The following CSNK1A1 variants were observed in gnomAD, a reference collection of about 807,000 sequenced individuals.
CSNK1A1 encodes casein kinase I isoform alpha.
In CSNK1A1, 7 loss-of-function variants were observed where a neutral mutation model predicts 46.1. The ratio of observed to expected loss-of-function variants is 0.15; its 90% CI spans 0.09 to 0.29. The LOEUF (loss-of-function observed/expected upper bound fraction) is 0.29, where lower values mean the gene tolerates loss of function less well. Ranked by LOEUF, CSNK1A1 falls within the 10% of genes least tolerant of loss-of-function variation. The pLI is 1.00. For missense variants in CSNK1A1, 96 were observed against 417.1 expected (o/e 0.23, Z 6.71); for synonymous variants, 137 against 141.5 (o/e 0.97, Z 0.23).
chr5:149,517,603 A>G lies in CSNK1A1; in HGVS notation c.456+2687T>C, dbSNP rs1300251941. On this transcript the variant is annotated intron_variant, in intron 4 of 9. Coordinates refer to ENST00000377843, the MANE Select transcript of CSNK1A1 (RefSeq NM_001892.6). This position sits in a 1 kb window ranked among gnomAD's most constrained non-coding sequence, Gnocchi z 4.4. The stretch of plus-strand genomic sequence containing the variant: ...TTCTAAACTTTATAAGTTTTAAGCA[A>G]AAGCCACAAAGAAATATCTTAGTAA... Among the ~76,000 whole-genome samples the G allele has an allele frequency of 2.0e-5, 3 of 152,238 alleles. No individual in the cohort carries two copies. Among genetic ancestry groups the G allele is most frequent in the East Asian group, 3.8e-4 (2 of 5,208 alleles).
At chr5:149,499,167 T>C in intron 9 of CSNK1A1, 10 of 985,396 alleles carry the variant, frequency 1.0e-5, no homozygotes, top group Non-Finnish European at 1.2e-5. Context: ...TAAGCATTCT[T>C]TTCCCCAATA....
chr5:149,502,137 T>C (rs1356129028), intron 9 of CSNK1A1: 1 of 971,916 alleles, frequency 1.0e-6, no homozygotes, highest in African/African-American at 1.8e-5. Context: ...TCTTATTAAG[T>C]TATTAAAACA....
At chr5:149,538,019 T>TTG (rs1222431398) in intron 2 of CSNK1A1, among the ~76,000 whole-genome samples, 8 of 136,918 alleles carry the variant, frequency 5.8e-5, no homozygotes, top group Admixed American at 4.3e-4. Context: ...GCCCAGTTTT[T>TTG]TTTTTTTTTT....
chr5:149,541,124 G>A (rs1425910909), intron 2 of CSNK1A1, among the ~76,000 whole-genome samples: 4 of 150,046 alleles, frequency 2.7e-5, no homozygotes, highest in African/African-American at 9.9e-5. Context: ...ACATGCATTA[G>A]TTTATGCTAT....
intron 9 of CSNK1A1, chr5:149,502,640 G>A: frequency 1.0e-6 from 1 of 970,746 alleles, no homozygotes. Context: ...TCCCAAATGT[G>A]TTGGAATAAC....
At chr5:149,507,574 A>G (rs911163133) in intron 7 of CSNK1A1, among the ~76,000 whole-genome samples, 1 of 151,596 alleles carries the variant, frequency 6.6e-6, no homozygotes, top group Non-Finnish European at 1.5e-5. Flanking sequence ...CGATCCTCCA[A>G]CCTCAGCTTC....
Position 149,501,525 on chromosome 5 carries a change from G to A in CSNK1A1, c.1006+3922C>T, listed in dbSNP as rs181896153. Reference sequence around the variant, plus strand: ...TAATTCAAGGAAGACTGTGGACATGGTAGGTCAATATGATAGAAAAATAAT... The same window carrying A: ...TAATTCAAGGAAGACTGTGGACATGATAGGTCAATATGATAGAAAAATAAT... On this transcript the variant is annotated intron_variant, in intron 9 of 9. Transcript: ENST00000377843. The A allele has an allele frequency of 4.1e-6, 4 of 985,334 alleles. No homozygotes were observed. The Admixed American group carries it at 2.5e-4, about 61-fold the overall frequency. 61.0% of individuals were successfully genotyped at this position (985,334 alleles called of 1,614,324 possible). A position where few individuals can be genotyped will look rare whatever the true frequency, so the allele number is the denominator to read the frequency against.
chr5:149,499,214 G>T, intron 9 of CSNK1A1: 3 of 983,310 alleles, frequency 3.1e-6, no homozygotes, highest in Non-Finnish European at 3.6e-6. Context: ...CAGATTAGGT[G>T]GCTCATCCAG....
At chr5:149,515,829 A>G (rs1394426697) in intron 4 of CSNK1A1, among the ~76,000 whole-genome samples, 1 of 152,226 alleles carries the variant, frequency 6.6e-6, no homozygotes, top group African/African-American at 2.4e-5. Context: ...CCAAATGAGG[A>G]AAAGTCAGTA....
chr5:149,506,983 T>C (rs1307555379), intron 8 of CSNK1A1, 44 bp downstream of exon 8: 1 of 1,455,436 alleles, frequency 6.9e-7, no homozygotes, highest in Non-Finnish European at 9.5e-7. Context: ...TTTAACCAAT[T>C]TCCCTCACAG....
chr5:149,530,024 A>G (rs1761841363), intron 2 of CSNK1A1, among the ~76,000 whole-genome samples: 1 of 152,212 alleles, frequency 6.6e-6, no homozygotes, highest in African/African-American at 2.4e-5. Context: ...AAATCAGTGT[A>G]ATTATTGTAA....
In CSNK1A1 at chr5:149,544,737, T is replaced by TATATATATATATATATATA. The variant is rs1554118044; in HGVS notation, c.230+5337_230+5338insTATATATATATATATATAT. On this transcript the variant is annotated intron_variant, in intron 2 of 9. Coordinates refer to ENST00000377843, the MANE Select transcript of CSNK1A1 (RefSeq NM_001892.6). ...GTGAGGATGATGAGGGTAAAGAGCT[T>TATATATATATATATATATA]TATATATATATATATATATATATAT... 2.9e-3 allele frequency among the ~76,000 whole-genome samples: 238 copies of TATATATATATATATATATA among 80,776 alleles called. 16 individuals are homozygous for TATATATATATATATATATA. Among genetic ancestry groups the TATATATATATATATATATA allele is most frequent in the African/African-American group, 9.1e-3 (139 of 15,316 alleles). 53.0% of individuals were successfully genotyped at this position (80,776 alleles called of 152,430 possible).
At position 149,550,036 on chromosome 5, in the gene CSNK1A1, C is replaced by T. The variant is rs750819745; in HGVS notation, c.230+39G>A. ...CCTCTACCCACTTCCCCATTCCGTGCTTCCCTCAGCGGATCGCCTATATGC... is the reference window on the plus strand; with the variant it reads ...CCTCTACCCACTTCCCCATTCCGTGTTTCCCTCAGCGGATCGCCTATATGC... On this transcript the variant is annotated intron_variant, in intron 2 of 9. Coordinates refer to ENST00000377843, the MANE Select transcript of CSNK1A1 (RefSeq NM_001892.6). The surrounding 1 kb of genome is among the most constrained non-coding windows in gnomAD (Gnocchi z 4.3). The T allele has an allele frequency of 6.3e-7, 1 of 1,595,300 alleles. No individual in the cohort carries two copies.
At chr5:149,544,737 TTATATATATATA>T (rs375444306) in intron 2 of CSNK1A1, among the ~76,000 whole-genome samples, 3 of 80,806 alleles carry the variant, frequency 3.7e-5, no homozygotes, top group Admixed American at 1.4e-4. Flanking sequence ...GTAAAGAGCT[TTATATATATATA>T]TATATATATA....
intron 5 of CSNK1A1, among the ~76,000 whole-genome samples, chr5:149,512,239 T>A (rs1202347509): frequency 6.6e-6 from 1 of 151,928 alleles, no homozygotes; most frequent in African/African-American, 2.4e-5. Context: ...GAGTTACAAC[T>A]TAAAACTAAT....
chr5:149,502,688 A>G, intron 9 of CSNK1A1: 2 of 985,316 alleles, frequency 2.0e-6, no homozygotes, highest in African/African-American at 3.5e-5. Context: ...AGTTTTTAAC[A>G]AGAAAACCCC....
chr5:149,524,238 C>T (rs764726070), intron 3 of CSNK1A1, among the ~76,000 whole-genome samples: 3 of 152,086 alleles, frequency 2.0e-5, no homozygotes, highest in Non-Finnish European at 4.4e-5. Context: ...CACAAACCCT[C>T]CATTATATTT....
At chr5:149,520,866 T>C (rs1409812782) in intron 3 of CSNK1A1, among the ~76,000 whole-genome samples, 2 of 152,206 alleles carry the variant, frequency 1.3e-5, no homozygotes, top group Non-Finnish European at 2.9e-5. Flanking sequence ...TGTTGACAGA[T>C]TGGCAGATTA....
intron 9 of CSNK1A1, among the ~76,000 whole-genome samples, chr5:149,500,079 C>T (rs1285281443): frequency 2.7e-5 from 4 of 147,512 alleles, no homozygotes; most frequent in Non-Finnish European, 6.0e-5. Flanking sequence ...CGCCATTCTC[C>T]TGCCTCAGCC....
Sources: gnomAD v4.1 joint callset for allele counts (sites outside exome capture counted in the v4.1 genomes callset) on GRCh38, gnomAD v4.1.1 for gene constraint, Gnocchi (gnomAD v3.1) non-coding constraint, MANE v1.5 for transcripts, NCBI Gene and HGNC (gene_info 2026-07-23, HGNC 2026-07-21) for gene names.